Variants in DIAPH3 observed in about 807,000 individuals in gnomAD.
DIAPH3 encodes the protein diaphanous related formin 3, also known as protein diaphanous homolog 3.
A neutral mutation model predicts 144.3 loss-of-function variants in DIAPH3; 117 were observed. That is an observed-to-expected ratio of 0.81 (90% CI 0.70 to 0.95). The LOEUF is 0.95. Ranked by LOEUF, DIAPH3 falls within the 40% of genes least tolerant of loss-of-function variation. The probability of loss-of-function intolerance (pLI) is 0.00; values close to 1 mark genes in which losing one functional copy is unlikely to be tolerated. For missense variants in DIAPH3, 1,421 were observed against 1,412.7 expected (o/e 1.01, Z -0.09); for synonymous variants, 519 against 488.9 (o/e 1.06, Z -0.81).
At chr13:60,131,079 T>C (rs571819943) in intron 2 of DIAPH3, among the ~76,000 whole-genome samples, 6 of 152,160 alleles carry the variant, frequency 3.9e-5, no homozygotes, top group African/African-American at 9.6e-5. Flanking sequence ...AAATGCAATG[T>C]CCATAAAATA....
At chr13:59,764,276 C>T (rs892071115) in intron 27 of DIAPH3, among the ~76,000 whole-genome samples, 4 of 151,766 alleles carry the variant, frequency 2.6e-5, no homozygotes, top group Admixed American at 1.3e-4. Flanking sequence ...GGCAGTATAG[C>T]ATAATGGTTA....
rs79664185 is a variant in DIAPH3 at position 59,692,742 on chromosome 13, C to T, written c.3320-25896G>A. Among the ~76,000 whole-genome samples, 465 of 152,244 alleles carry T rather than the reference C, an allele frequency of 3.1e-3. 2 individuals carry two copies. The highest frequency in any genetic ancestry group is 9.8e-3 in the African/African-American group (407 of 41,544). ...TCTATTAGGCCTCTGAAAATTCAGCCTGGTGCTCCTCCTTTATTACACCAA... is the reference window on the plus strand; with the variant it reads ...TCTATTAGGCCTCTGAAAATTCAGCTTGGTGCTCCTCCTTTATTACACCAA... On this transcript the variant is annotated intron_variant, in intron 27 of 27. Coordinates refer to ENST00000400324, the MANE Select transcript of DIAPH3 (RefSeq NM_001042517.2).
chr13:59,933,567 T>C (rs2048123155), intron 17 of DIAPH3, among the ~76,000 whole-genome samples: 1 of 152,198 alleles, frequency 6.6e-6, no homozygotes, highest in South Asian at 2.1e-4. Flanking sequence ...AAAGTCAGAT[T>C]ATTAGTGCCA....
At position 59,934,878 on chromosome 13, in the gene DIAPH3, A is replaced by G. The variant is rs191543436; in HGVS notation, c.2075-10008T>C. Among the ~76,000 whole-genome samples, 96 of 152,284 alleles carry G rather than the reference A, an allele frequency of 6.3e-4. No individual in the cohort carries two copies. In the East Asian group the frequency reaches 0.015, roughly 25 times the overall value. On this transcript the variant is annotated intron_variant, in intron 17 of 27. Coordinates refer to ENST00000400324, the MANE Select transcript of DIAPH3 (RefSeq NM_001042517.2). ...GAAAGGATAACTCCCCACACTTTGC[A>G]TTTACACTTGATCCAAATTTTCCCT...
At chr13:59,839,789 G>GTTTTAAATA (rs2042240692) in intron 22 of DIAPH3, among the ~76,000 whole-genome samples, 1 of 152,030 alleles carries the variant, frequency 6.6e-6, no homozygotes, top group Admixed American at 6.6e-5. Context: ...TTTTAAAATT[G>GTTTTAAATA]GACTGATTTA....
chr13:59,775,177 CT>C, intron 25 of DIAPH3, among the ~76,000 whole-genome samples: 1 of 152,134 alleles, frequency 6.6e-6, no homozygotes, highest in Non-Finnish European at 1.5e-5. Flanking sequence ...TAGAGATGAG[CT>C]ATTTTCAAGG....
chr13:59,825,714 T>G (rs1219860364), intron 24 of DIAPH3, among the ~76,000 whole-genome samples: 1 of 152,218 alleles, frequency 6.6e-6, no homozygotes, highest in African/African-American at 2.4e-5. Context: ...CCTGACTTTT[T>G]AATAATTGCC....
At chr13:60,101,430 T>C (rs1037515711) in intron 3 of DIAPH3, among the ~76,000 whole-genome samples, 7 of 152,160 alleles carry the variant, frequency 4.6e-5, no homozygotes, top group African/African-American at 1.7e-4. Flanking sequence ...TAAAGCAAGC[T>C]TGTCCAGATT....
intron 2 of DIAPH3, among the ~76,000 whole-genome samples, chr13:60,120,107 G>C (rs1225520756): frequency 6.6e-6 from 1 of 152,138 alleles, no homozygotes; most frequent in Non-Finnish European, 1.5e-5. Context: ...TTCTAGAGTG[G>C]GGAAAAGTAC....
intron 2 of DIAPH3, among the ~76,000 whole-genome samples, chr13:60,126,054 A>T (rs1042896367): frequency 2.0e-5 from 3 of 152,214 alleles, no homozygotes; most frequent in African/African-American, 7.2e-5. Flanking sequence ...CCAATGAATT[A>T]TTTCTCAATT....
chr13:59,724,857 A>G (rs1290416398), intron 27 of DIAPH3, among the ~76,000 whole-genome samples: 1 of 152,240 alleles, frequency 6.6e-6, no homozygotes, highest in Non-Finnish European at 1.5e-5. Flanking sequence ...ATTTGGCTAT[A>G]TGAGTTGAAA....
At chr13:59,700,928 G>C (rs2034074451) in intron 27 of DIAPH3, among the ~76,000 whole-genome samples, 1 of 152,042 alleles carries the variant, frequency 6.6e-6, no homozygotes, top group Non-Finnish European at 1.5e-5. Context: ...AAGATAATTA[G>C]TTCAGTAGTT....
chr13:59,804,762 A>T (rs894086135), intron 25 of DIAPH3, among the ~76,000 whole-genome samples: 1 of 152,222 alleles, frequency 6.6e-6, no homozygotes, highest in African/African-American at 2.4e-5. Context: ...AAAAACTGAA[A>T]GCATTACTGC....
intron 17 of DIAPH3, among the ~76,000 whole-genome samples, chr13:59,938,214 C>A (rs1437100574): frequency 1.3e-5 from 2 of 152,140 alleles, no homozygotes; most frequent in African/African-American, 4.8e-5. Flanking sequence ...TCCCCACAAT[C>A]TCCTGAATTT....
chr13:59,744,142 A>C (rs1473207764), intron 27 of DIAPH3, among the ~76,000 whole-genome samples: 1 of 152,204 alleles, frequency 6.6e-6, no homozygotes, highest in Non-Finnish European at 1.5e-5. Flanking sequence ...GCATGTATAT[A>C]ACTTTTCAGT....
Position 60,078,404 on chromosome 13 carries a change from G to C in DIAPH3, c.495+15224C>G, listed in dbSNP as rs1476313423. On this transcript the variant is annotated intron_variant, in intron 4 of 27. Coordinates refer to ENST00000400324, the MANE Select transcript of DIAPH3 (RefSeq NM_001042517.2). ...GCAAGGCAAGAACAAAAAAAGACTT[G>C]AAGTGGGCAAGGTGGAGGTCAGAAT... 2.6e-5 allele frequency among the ~76,000 whole-genome samples: 4 copies of C among 152,110 alleles called. No homozygotes were observed. In the East Asian group the frequency reaches 7.7e-4, roughly 29 times the overall value.
intron 27 of DIAPH3, among the ~76,000 whole-genome samples, chr13:59,734,104 C>T (rs2036023224): frequency 6.6e-6 from 1 of 152,172 alleles, no homozygotes; most frequent in Non-Finnish European, 1.5e-5. Context: ...AGTTACCTGA[C>T]TTGATAAAAC....
At chr13:59,960,030 A>T (rs1460269087) in intron 17 of DIAPH3, among the ~76,000 whole-genome samples, 1 of 152,194 alleles carries the variant, frequency 6.6e-6, no homozygotes, top group Non-Finnish European at 1.5e-5. Flanking sequence ...CATTCCCTGC[A>T]GGCAAATTTC....
chr13:59,865,353 T>G (rs893653081), intron 21 of DIAPH3, among the ~76,000 whole-genome samples: 1 of 152,072 alleles, frequency 6.6e-6, no homozygotes, highest in Non-Finnish European at 1.5e-5. Flanking sequence ...TGGAATACAG[T>G]GTTAATTTTG....
Sources: allele counts gnomAD v4.1 joint callset (sites outside exome capture counted in the v4.1 genomes callset), GRCh38; gene constraint gnomAD v4.1.1; transcripts MANE v1.5; gene names NCBI Gene and HGNC (gene_info 2026-07-23, HGNC 2026-07-21).